The following SND1 variants were observed in gnomAD, a reference collection of about 807,000 sequenced individuals.
SND1 encodes staphylococcal nuclease and tudor domain containing 1, also known as staphylococcal nuclease domain-containing protein 1.
Under a neutral mutation model 121.7 loss-of-function variants are expected in SND1, and 38 were observed. The ratio of observed to expected loss-of-function variants is 0.31; its 90% CI spans 0.24 to 0.41. The LOEUF (loss-of-function observed/expected upper bound fraction) is 0.41, where lower values mean the gene tolerates loss of function less well. SND1 is among the 10% of genes least tolerant of loss of function. The pLI, the probability that SND1 is intolerant of heterozygous loss-of-function variation, is 1.00. For synonymous variants in SND1, 401 were observed against 447.4 expected (o/e 0.90, Z 1.31); for missense variants, 868 against 1,184.6 (o/e 0.73, Z 3.92).
At chr7:127,898,958 A>AT (rs1229000200) in intron 13 of SND1, among the ~76,000 whole-genome samples, 1 of 151,946 alleles carries the variant, frequency 6.6e-6, no homozygotes, top group South Asian at 2.1e-4. Context: ...AACAAACCTC[A>AT]TTTTTTTGCC....
intron 16 of SND1, among the ~76,000 whole-genome samples, chr7:128,067,751 C>G (rs534799090): frequency 3.4e-4 from 51 of 152,082 alleles, no homozygotes; most frequent in Non-Finnish European, 4.7e-4. Context: ...TTGGGGAAGA[C>G]AGTATCTCTT....
chr7:127,734,434 A>G (rs577781251), intron 10 of SND1, among the ~76,000 whole-genome samples: 4 of 152,168 alleles, frequency 2.6e-5, no homozygotes, highest in Non-Finnish European at 5.9e-5. Context: ...AAGGTTTATG[A>G]AGTGGTGCCT....
chr7:128,031,987 C>A (rs1792629326), intron 16 of SND1: 1 of 149,740 alleles, frequency 6.7e-6, no homozygotes, highest in Admixed American at 6.6e-5. Context: ...GCAGCAGCAG[C>A]AGCGGGGCCC....
At chr7:127,816,745 C>T (rs903493688) in intron 11 of SND1, among the ~76,000 whole-genome samples, 1 of 149,776 alleles carries the variant, frequency 6.7e-6, no homozygotes, top group African/African-American at 2.5e-5. Flanking sequence ...CTCACTGCAA[C>T]GTCTGCCTCC....
chr7:127,796,477 G>A (rs933453439), intron 10 of SND1, among the ~76,000 whole-genome samples: 2 of 152,006 alleles, frequency 1.3e-5, no homozygotes, highest in Non-Finnish European at 2.9e-5. Context: ...CACTTTCTAG[G>A]TACCATAAAC....
intron 16 of SND1, among the ~76,000 whole-genome samples, chr7:128,006,240 G>A (rs774502685): frequency 6.6e-6 from 1 of 152,124 alleles, no homozygotes; most frequent in Non-Finnish European, 1.5e-5. Context: ...GCGTGCGTGC[G>A]TGCGTGTGTG....
chr7:127,912,274 C>A (rs758881729), intron 14 of SND1, among the ~76,000 whole-genome samples: 1 of 152,140 alleles, frequency 6.6e-6, no homozygotes, highest in Non-Finnish European at 1.5e-5. Flanking sequence ...TTCAAAATTT[C>A]ATTGCAGCAG....
rs188888699 is a variant in SND1 at position 128,020,705 on chromosome 7, G to C, written c.1779+29649G>C. On this transcript the variant is annotated intron_variant, in intron 16 of 23. Coordinates refer to ENST00000354725, the MANE Select transcript of SND1 (RefSeq NM_014390.4). ...GGCTGACATAACACCACTAGTCGGAGTGGATGTGGACTTACACATGAAGGG... is the reference window on the plus strand; with the variant it reads ...GGCTGACATAACACCACTAGTCGGACTGGATGTGGACTTACACATGAAGGG... Among the ~76,000 whole-genome samples, 137 of 152,306 alleles carry C rather than the reference G, an allele frequency of 9.0e-4. 1 individual carries two copies. The highest frequency in any genetic ancestry group is 3.4e-3 in the Middle Eastern group (1 of 294).
At chr7:127,683,304 C>T (rs975559247) in intron 1 of SND1, among the ~76,000 whole-genome samples, 4 of 152,146 alleles carry the variant, frequency 2.6e-5, no homozygotes, top group African/African-American at 9.7e-5. Context: ...CAACCTTGAC[C>T]TCCCAGGCTC....
chr7:127,796,110 G>A (rs1798020451), intron 10 of SND1, among the ~76,000 whole-genome samples: 1 of 151,530 alleles, frequency 6.6e-6, no homozygotes, highest in African/African-American at 2.4e-5. Flanking sequence ...GCCCTCCTTG[G>A]CCTCCCAAAG....
rs187433238 is a variant in SND1, at chr7:127,985,071, C to G, written c.1670-5876C>G. On this transcript the variant is annotated intron_variant, in intron 15 of 23. Coordinates refer to ENST00000354725, the MANE Select transcript of SND1 (RefSeq NM_014390.4). ...TGCTGGCCTGACTGCACATTTGCTACCCTTGAAGCTGCTACAGCACCACTC... is the reference window on the plus strand; with the variant it reads ...TGCTGGCCTGACTGCACATTTGCTAGCCTTGAAGCTGCTACAGCACCACTC... Among the ~76,000 whole-genome samples, 12 of 152,308 alleles carry G rather than the reference C, an allele frequency of 7.9e-5. 1 individual carries two copies. In the East Asian group the frequency reaches 2.3e-3, roughly 29 times the overall value.
chr7:127,816,670 T>C (rs573204178), intron 11 of SND1, among the ~76,000 whole-genome samples: 1 of 151,412 alleles, frequency 6.6e-6, no homozygotes, highest in Admixed American at 6.6e-5. Context: ...CTCTTTTTTT[T>C]TTTTTTTTTT....
At chr7:127,735,509 TC>T (rs1241603386) in intron 10 of SND1, among the ~76,000 whole-genome samples, 4 of 152,038 alleles carry the variant, frequency 2.6e-5, no homozygotes, top group Non-Finnish European at 4.4e-5. Flanking sequence ...GGCTAGGAGT[TC>T]CAGGCCAGCC....
chr7:128,090,575 C>A (rs185445272), intron 22 of SND1, among the ~76,000 whole-genome samples: 1 of 152,194 alleles, frequency 6.6e-6, no homozygotes, highest in African/African-American at 2.4e-5. Flanking sequence ...TGGCCAGCTT[C>A]TCCCTATGTT....
Position 128,033,331 on chromosome 7 carries a change from G to T in SND1, c.1780-41171G>T, listed in dbSNP as rs528062091. Among the ~76,000 whole-genome samples the T allele has an allele frequency of 7.9e-5, 12 of 152,248 alleles. 1 individual carries two copies. The East Asian group carries it at 1.9e-3, about 25-fold the overall frequency. On this transcript the variant is annotated intron_variant, in intron 16 of 23. Coordinates refer to ENST00000354725, the MANE Select transcript of SND1 (RefSeq NM_014390.4). ...ACTGTGGGTGAGGCAATCTAGCTGA[G>T]CCCTGGGAAGCCGGTCCAGTAGAAT...
chr7:128,002,343 C>T (rs1802856813), intron 16 of SND1, among the ~76,000 whole-genome samples: 1 of 152,212 alleles, frequency 6.6e-6, no homozygotes, highest in Non-Finnish European at 1.5e-5. Context: ...ACCCTCAGGA[C>T]ATCAGCCAGT....
intron 12 of SND1, among the ~76,000 whole-genome samples, chr7:127,854,837 C>T (rs1007379503): frequency 6.6e-6 from 1 of 151,874 alleles, no homozygotes; most frequent in East Asian, 1.9e-4. Context: ...ATTTTTGTAA[C>T]TCACAGTAGT....
chr7:127,678,018 C>G (rs542472318), intron 1 of SND1, among the ~76,000 whole-genome samples: 52 of 152,272 alleles, frequency 3.4e-4, no homozygotes, highest in African/African-American at 1.2e-3. Flanking sequence ...CTCATGGAAG[C>G]TTTACTTGCT....
intron 9 of SND1, among the ~76,000 whole-genome samples, chr7:127,715,128 C>T (rs1463203863): frequency 1.3e-5 from 2 of 149,180 alleles, no homozygotes; most frequent in Non-Finnish European, 3.0e-5. Flanking sequence ...TACATCCTCA[C>T]CAACATTTGT....
Sources: allele counts gnomAD v4.1 joint callset (sites outside exome capture counted in the v4.1 genomes callset), GRCh38; gene constraint gnomAD v4.1.1; transcripts MANE v1.5; gene names NCBI Gene and HGNC (gene_info 2026-07-23, HGNC 2026-07-21).